Variants in SLC25A30 observed in about 807,000 individuals in gnomAD.
SLC25A30 encodes kidney mitochondrial carrier protein 1.
SLC25A30 carries 29 observed loss-of-function variants against 42.7 expected under a neutral mutation model. That is an observed-to-expected ratio of 0.68 (90% CI 0.51 to 0.93). The LOEUF (loss-of-function observed/expected upper bound fraction) is 0.93, where lower values mean the gene tolerates loss of function less well. Ranked by LOEUF, SLC25A30 falls within the 40% of genes least tolerant of loss-of-function variation. The pLI is 0.00. For synonymous variants in SLC25A30, 124 were observed against 131.0 expected (o/e 0.95, Z 0.37); for missense variants, 300 against 359.7 (o/e 0.83, Z 1.34).
At chr13:45,398,176 G>A (rs886374722) in intron 8 of SLC25A30, 1 of 352,398 alleles carries the variant, frequency 2.8e-6, no homozygotes, top group Non-Finnish European at 4.0e-6. Flanking sequence ...TGGAGCTGGA[G>A]GCCATTATCC....
At chr13:45,404,511 C>A in intron 4 of SLC25A30, 99 bp from the exon 5 acceptor site, 1 of 843,664 alleles carries the variant, frequency 1.2e-6, no homozygotes, top group Non-Finnish European at 2.0e-6. Context: ...ACTTGTTCAC[C>A]TTAAGATGTA....
chr13:45,422,721 G>T (rs1156913937), upstream of SLC25A30, among the ~76,000 whole-genome samples: 1 of 152,046 alleles, frequency 6.6e-6, no homozygotes, highest in African/African-American at 2.4e-5. Flanking sequence ...TGTTTTTCTT[G>T]GTTACAGGTG....
At chr13:45,401,820 G>A (rs1306037442) in intron 6 of SLC25A30, among the ~76,000 whole-genome samples, 4 of 152,122 alleles carry the variant, frequency 2.6e-5, no homozygotes, top group Non-Finnish European at 2.9e-5. Flanking sequence ...GGCACTTTGG[G>A]AGGCCGAGGC....
the SLC25A30 span, among the ~76,000 whole-genome samples, chr13:45,424,872 A>ATT: frequency 5.4e-5 from 3 of 55,742 alleles, no homozygotes; most frequent in East Asian, 1.2e-3. Context: ...AAAAATATAT[A>ATT]TAAATATATA....
Position 45,396,026 on chromosome 13 carries a change from G to A in SLC25A30, c.835-11C>T, listed in dbSNP as rs1034082211. ...GTATGTCACAAAGAACTGTGGTTAT[G>A]GGTTAAGGATGACACAGAAAATGCC... On this transcript the variant is annotated splice_polypyrimidine_tract_variant and intron_variant, in intron 9 of 9. Transcript: ENST00000519676. 8.1e-6 allele frequency: 13 copies of A among 1,614,134 alleles called. No individual in the cohort carries two copies. The East Asian group carries it at 2.9e-4, about 36-fold the overall frequency.
the SLC25A30 span, among the ~76,000 whole-genome samples, chr13:45,425,416 A>T: frequency 8.8e-6 from 1 of 113,254 alleles, no homozygotes; most frequent in Non-Finnish European, 1.6e-5. Flanking sequence ...ATATAAATAT[A>T]TAAGTATATA....
chr13:45,424,773 T>TATATAA, the SLC25A30 span, among the ~76,000 whole-genome samples: 1 of 60,164 alleles, frequency 1.7e-5, no homozygotes, highest in African/African-American at 6.0e-5. Context: ...TATAAATATA[T>TATATAA]ATATATAAAT....
At chr13:45,423,578 A>AAAATATATATAAATATATATATATAT in the SLC25A30 span, among the ~76,000 whole-genome samples, 2 of 79,062 alleles carry the variant, frequency 2.5e-5, no homozygotes, top group South Asian at 7.1e-4. Flanking sequence ...AATATATATA[A>AAAATATATATAAATATATATATATAT]AAATATATAT....
In SLC25A30 at chr13:45,397,401, T is replaced by C. The variant is rs147186799; in HGVS notation, c.754-63A>G. 6.6e-5 allele frequency: 84 copies of C among 1,264,608 alleles called. No individual in the cohort carries two copies. In the African/African-American group the frequency reaches 1.0e-3, roughly 16 times the overall value. The allele number at this position is 1,264,608 out of a possible 1,614,324, so 78.3% of individuals were successfully genotyped here. On this transcript the variant is annotated intron_variant, in intron 8 of 9. Transcript: ENST00000519676. ...CTAATTATGCCAAATGCATTAATAA[T>C]TAGTGGCCAGGCCAGGCGCGGTGGC...
chr13:45,402,538 C>G (rs114699726), intron 5 of SLC25A30, among the ~76,000 whole-genome samples, 168 bp from the exon 6 acceptor site: 8 of 152,060 alleles, frequency 5.3e-5, no homozygotes, highest in Non-Finnish European at 1.0e-4. Context: ...ATGACTAAAA[C>G]GTATAAAAAT....
the SLC25A30 span, among the ~76,000 whole-genome samples, chr13:45,425,188 A>ATAAATATACATAAG: frequency 3.1e-4 from 31 of 99,518 alleles, no homozygotes; most frequent in African/African-American, 1.1e-3. Flanking sequence ...ATATATATAC[A>ATAAATATACATAAG]TATATAAATA....
In SLC25A30 at chr13:45,408,922, C is replaced by G. The variant is rs1882757440; in HGVS notation, c.212+5G>C. 6.2e-7 allele frequency: 1 copy of G among 1,600,414 alleles called. No individual in the cohort carries two copies. On this transcript the variant is annotated splice_donor_5th_base_variant and intron_variant, in intron 3 of 9. Transcript: ENST00000519676. ...TGACACAGAAATGCATGAAGGCCTA[C>G]TCACCCCGAGTAGAGTGCTTTCAGC...
At chr13:45,423,918 T>A in the SLC25A30 span, among the ~76,000 whole-genome samples, 9 of 84,432 alleles carry the variant, frequency 1.1e-4, no homozygotes, top group African/African-American at 3.3e-4. Flanking sequence ...TATATAAAAA[T>A]ATATATAAAC....
In SLC25A30 at chr13:45,400,943, G is replaced by A. The variant is rs1371982566; in HGVS notation, c.614+140C>T. The A allele has an allele frequency of 4.8e-6, 3 of 631,316 alleles. No individual in the cohort carries two copies. The African/African-American group carries it at 5.5e-5, about 11-fold the overall frequency. The allele number at this position is 631,316 out of a possible 1,614,324, so 39.1% of individuals were successfully genotyped here. On this transcript the variant is annotated intron_variant, in intron 7 of 9. Transcript: ENST00000519676. The stretch of plus-strand genomic sequence containing the variant: ...ACATATCAAACTGTTAACAACAGCT[G>A]CCTATGTAGAGGAATAAGGACTTCT...
rs1361942088 is a variant in SLC25A30, at chr13:45,394,367, C to T, written c.*1607G>A. 1.8e-5 allele frequency: 18 copies of T among 984,556 alleles called. No homozygotes were observed. Among genetic ancestry groups the T allele is most frequent in the Non-Finnish European group, 2.2e-5 (18 of 829,852 alleles). 61.0% of individuals were successfully genotyped at this position (984,556 alleles called of 1,614,324 possible). A position where few individuals can be genotyped will look rare whatever the true frequency, so the allele number is the denominator to read the frequency against. On this transcript the variant is annotated 3_prime_UTR_variant, in exon 10 of 10. Transcript: ENST00000519676. Reference sequence around the variant, plus strand: ...AAGGAAGGCAAGGGAAAAATGCCTGCGAGGAAAAATTATCTCATCCTCCAA... The same window carrying T: ...AAGGAAGGCAAGGGAAAAATGCCTGTGAGGAAAAATTATCTCATCCTCCAA...
At chr13:45,405,846 C>T in intron 4 of SLC25A30, 37 bp downstream of exon 4, 1 of 1,592,738 alleles carries the variant, frequency 6.3e-7, no homozygotes, top group Non-Finnish European at 8.6e-7. Flanking sequence ...AGACAACCAA[C>T]CTCCTGTCCA....
At chr13:45,411,338 G>C in intron 2 of SLC25A30, 24 bp downstream of exon 2, 1 of 1,553,180 alleles carries the variant, frequency 6.4e-7, no homozygotes, top group Non-Finnish European at 8.9e-7. Flanking sequence ...CAGGCTACGT[G>C]ATCCACCACC....
At chr13:45,398,831 C>A in intron 8 of SLC25A30, 109 bp downstream of exon 8, 2 of 1,239,998 alleles carry the variant, frequency 1.6e-6, no homozygotes, top group East Asian at 2.5e-5. Context: ...CATCTCTGGG[C>A]TTTAAAGCAT....
upstream of SLC25A30, among the ~76,000 whole-genome samples, chr13:45,421,005 G>T (rs1269896922): frequency 6.6e-6 from 1 of 152,086 alleles, no homozygotes; most frequent in Non-Finnish European, 1.5e-5. Flanking sequence ...TCCTCCAAGG[G>T]TCTTGGCCCA....
Sources: allele counts gnomAD v4.1 joint callset (sites outside exome capture counted in the v4.1 genomes callset), GRCh38; gene constraint gnomAD v4.1.1; transcripts MANE v1.5; gene names NCBI Gene and HGNC (gene_info 2026-07-23, HGNC 2026-07-21).